RAB36: variants seen among roughly 807,000 people sequenced by gnomAD.
RAB36 encodes the protein ras-related protein Rab-36.
A neutral mutation model predicts 39.3 loss-of-function variants in RAB36; 33 were observed. That is an observed-to-expected ratio of 0.84 (90% CI 0.64 to 1.12). RAB36 has a LOEUF of 1.12. Among genes scored for constraint, RAB36 ranks in the 50% most tolerant of loss-of-function variants. The pLI, the probability that RAB36 is intolerant of heterozygous loss-of-function variation, is 0.00. For synonymous variants in RAB36, 133 were observed against 140.2 expected, an observed-to-expected ratio of 0.95 and a Z score of 0.36; for missense variants, 308 against 355.3, an observed-to-expected ratio of 0.87 and a Z score of 1.07.
chr22:23,155,163 T>C (rs1391600107), intron 5 of RAB36, among the ~76,000 whole-genome samples: 1 of 152,182 alleles, frequency 6.6e-6, no homozygotes, highest in African/African-American at 2.4e-5. Flanking sequence ...GATGTCTTGT[T>C]TGTGACTTGT....
chr22:23,150,288 GTTTTCTTT>G, intron 3 of RAB36, 134 bp downstream of exon 3: 1 of 660,390 alleles, frequency 1.5e-6, no homozygotes, highest in Non-Finnish European at 2.6e-6. Context: ...GATGACTGGG[GTTTTCTTT>G]TTTTTTTCTT....
At chr22:23,153,879 G>C (rs1043406565) in intron 5 of RAB36, among the ~76,000 whole-genome samples, 5 of 151,840 alleles carry the variant, frequency 3.3e-5, no homozygotes, top group African/African-American at 1.2e-4. Flanking sequence ...AGTAGAGATG[G>C]GGTTTTACTA....
chr22:23,145,462 T>A, upstream of RAB36: 3 of 1,610,018 alleles, frequency 1.9e-6, no homozygotes, highest in Non-Finnish European at 2.5e-6. Flanking sequence ...AGCCCGCAGG[T>A]CCCGCGTGGC....
chr22:23,160,758 G>A, intron 9 of RAB36, 121 bp from the exon 10 acceptor site: 1 of 1,362,978 alleles, frequency 7.3e-7, no homozygotes, highest in Non-Finnish European at 1.0e-6. Flanking sequence ...GTTACTGTCA[G>A]GGTGCTCTAG....
chr22:23,162,769 C>T lies in RAB36; in HGVS notation c.*1205C>T, dbSNP rs1031770499. On this transcript the variant is annotated 3_prime_UTR_variant, in exon 11 of 11. Coordinates refer to ENST00000263116, the MANE Select transcript of RAB36 (RefSeq NM_004914.5). ...CTTGCAGGCAGCCTTCTGATCAGTA[C>T]TGCTCTCCTAGGGCCTGGCACACTG... 6.6e-6 allele frequency: 3 copies of T among 456,328 alleles called. No homozygotes were observed. The highest frequency in any genetic ancestry group is 1.3e-5 in the Non-Finnish European group (3 of 226,978). 28.3% of individuals were successfully genotyped at this position (456,328 alleles called of 1,614,324 possible). A position where few individuals can be genotyped will look rare whatever the true frequency, so the allele number is the denominator to read the frequency against.
chr22:23,159,046 G>A (rs1365795491), intron 8 of RAB36, 67 bp downstream of exon 8: 2 of 1,589,102 alleles, frequency 1.3e-6, no homozygotes, highest in Non-Finnish European at 8.6e-7. Context: ...AGCCCTCATT[G>A]GAGGAGCCAT....
At chr22:23,154,817 G>A (rs1688162373) in intron 5 of RAB36, among the ~76,000 whole-genome samples, 1 of 152,156 alleles carries the variant, frequency 6.6e-6, no homozygotes, top group Admixed American at 6.5e-5. Context: ...GTGTCATACT[G>A]GATCACTTGA....
intron 2 of RAB36, among the ~76,000 whole-genome samples, chr22:23,148,862 C>A (rs62220916): frequency 6.6e-6 from 1 of 152,224 alleles, no homozygotes; most frequent in Non-Finnish European, 1.5e-5. Flanking sequence ...CCAGCTTGTT[C>A]ATGGTAGCTG....
rs2071965098 is a variant in RAB36 at position 23,164,014 on chromosome 22, G to A, written c.*2450G>A. On this transcript the variant is annotated 3_prime_UTR_variant, in exon 11 of 11. Transcript: ENST00000263116. ...CAATGGTGCTGCAGTGGCCATTCTT[G>A]TAGTTATAGCTTTGCGTACTCAGGA... 1 of 152,240 alleles carries A rather than the reference G, an allele frequency of 6.6e-6. No homozygotes were observed. The highest frequency in any genetic ancestry group is 1.5e-5 in the Non-Finnish European group (1 of 68,056). The allele number at this position is 152,240 out of a possible 1,614,324, so 9.4% of individuals were successfully genotyped here.
chr22:23,167,093 A>G (rs907710249), downstream of RAB36, among the ~76,000 whole-genome samples: 1 of 151,030 alleles, frequency 6.6e-6, no homozygotes, highest in African/African-American at 2.4e-5. Context: ...CCTCCTCTGA[A>G]CTCCTGGTCC....
intron 2 of RAB36, among the ~76,000 whole-genome samples, chr22:23,147,743 G>A (rs559061698): frequency 7.2e-5 from 11 of 152,330 alleles, no homozygotes; most frequent in South Asian, 6.2e-4. Context: ...AAGATACAAC[G>A]TAAACATCCT....
Position 23,165,225 on chromosome 22 carries a change from G to T in RAB36, c.*3661G>T, listed in dbSNP as rs1352109997. On this transcript the variant is annotated 3_prime_UTR_variant, in exon 11 of 11. Coordinates refer to ENST00000263116, the MANE Select transcript of RAB36 (RefSeq NM_004914.5). ...AAGAAGGCAGGGAAGCAAGAAGGTT[G>T]CTCAAACAAGACCATGTTCCCAGCA... Among the ~76,000 whole-genome samples, 1 of 152,226 alleles carries T rather than the reference G, an allele frequency of 6.6e-6. No homozygotes were observed. The highest frequency in any genetic ancestry group is 6.5e-5 in the Admixed American group (1 of 15,278).
chr22:23,148,848 G>A (rs1601890782), intron 2 of RAB36, among the ~76,000 whole-genome samples: 2 of 152,346 alleles, frequency 1.3e-5, no homozygotes, highest in South Asian at 4.1e-4. Flanking sequence ...ACAGAAAGAA[G>A]CAGCCAGCTT....
chr22:23,158,940 C>T lies in RAB36; in HGVS notation c.489C>T (p.Ser163=). The change falls in exon 8 of 11, where the codon TCC becomes TCT. Residue 163 remains serine (S), a synonymous_variant. Coordinates refer to ENST00000263116, the MANE Select transcript of RAB36 (RefSeq NM_004914.5). ...CTCTGAGGGAGAACGAGGCAGGCTC[C>T]TGCTTCATCTTCCTCGTGGGAACCA... ...EDALRENEAG[S]CFIFLVGTKK... 1 of 1,614,214 alleles carries T rather than the reference C, an allele frequency of 6.2e-7. No homozygotes were observed. Among genetic ancestry groups the T allele is most frequent in the South Asian group, 1.1e-5 (1 of 91,084 alleles).
At chr22:23,150,503 A>G (rs925668314) in intron 3 of RAB36, among the ~76,000 whole-genome samples, 1 of 151,568 alleles carries the variant, frequency 6.6e-6, no homozygotes, top group African/African-American at 2.4e-5. Flanking sequence ...GGGTTTCACC[A>G]TGTTAGCCAG....
At position 23,161,767 on chromosome 22, in the gene RAB36, C is replaced by T. The variant is rs2071821412; in HGVS notation, c.*203C>T. ...TTGCAGGTTGGGCACTAGAAAAGGC[C>T]CCCACTGGCTGCCTGGGAGCCCCAC... On this transcript the variant is annotated 3_prime_UTR_variant, in exon 11 of 11. Coordinates refer to ENST00000263116, the MANE Select transcript of RAB36 (RefSeq NM_004914.5). 1.8e-6 allele frequency: 1 copy of T among 567,416 alleles called. No individual in the cohort carries two copies. Among genetic ancestry groups the T allele is most frequent in the African/African-American group, 1.9e-5 (1 of 52,780 alleles). 35.1% of individuals were successfully genotyped at this position (567,416 alleles called of 1,614,324 possible).
rs2070710246 is a variant in RAB36 at position 23,145,495 on chromosome 22, G to A, written c.-69G>A. ...GGCTCTCGTTGCCATGGTGATCGCC[G>A]CCGCTGGCTCAGGCGGACCAGGCCG... On this transcript the variant is annotated 5_prime_UTR_variant, in exon 1 of 11. Transcript: ENST00000263116. The A allele has an allele frequency of 6.2e-7, 1 of 1,607,632 alleles. No homozygotes were observed. Among genetic ancestry groups the A allele is most frequent in the Non-Finnish European group, 8.5e-7 (1 of 1,179,748 alleles).
intron 6 of RAB36, among the ~76,000 whole-genome samples, chr22:23,157,698 G>C (rs899548196): frequency 1.3e-5 from 2 of 152,216 alleles, no homozygotes; most frequent in Non-Finnish European, 2.9e-5. Flanking sequence ...TCCCTTAGCC[G>C]TAAGTGGCAG....
chr22:23,155,862 A>G (rs936693115), intron 5 of RAB36, 106 bp from the exon 6 acceptor site: 1 of 1,009,312 alleles, frequency 9.9e-7, no homozygotes, highest in Non-Finnish European at 1.4e-6. Flanking sequence ...TGCAGCTGGC[A>G]CAGGCCCTTA....
Sources: allele counts gnomAD v4.1 joint callset (sites outside exome capture counted in the v4.1 genomes callset), GRCh38; gene constraint gnomAD v4.1.1; transcripts MANE v1.5; gene names NCBI Gene and HGNC (gene_info 2026-07-23, HGNC 2026-07-21).